NBEA: variants seen among roughly 807,000 people sequenced by gnomAD.
NBEA encodes the protein neurobeachin, also known as lysosomal-trafficking regulator 2.
A neutral mutation model predicts 343.4 loss-of-function variants in NBEA; 44 were observed. The ratio of observed to expected loss-of-function variants is 0.13; its 90% CI spans 0.10 to 0.16. The LOEUF (loss-of-function observed/expected upper bound fraction) is 0.16. NBEA is among the 10% of genes least tolerant of loss of function. NBEA has a pLI of 1.00. For synonymous variants in NBEA, 1,175 were observed against 1,238.7 expected, an observed-to-expected ratio of 0.95 and a Z score of 1.08; for missense variants, 2,555 against 3,631.3, an observed-to-expected ratio of 0.70 and a Z score of 7.62.
chr13:35,004,877 T>G (rs908403053), intron 1 of NBEA, among the ~76,000 whole-genome samples: 15 of 152,346 alleles, frequency 9.8e-5, no homozygotes, highest in Middle Eastern at 3.4e-3. Flanking sequence ...GTAGACATAA[T>G]GCAGCTATGC....
intron 34 of NBEA, among the ~76,000 whole-genome samples, chr13:35,255,841 C>T (rs771514405): frequency 6.6e-6 from 1 of 152,204 alleles, no homozygotes; most frequent in African/African-American, 2.4e-5. Flanking sequence ...TTGGTGAGTC[C>T]CAAGTTCTTG....
chr13:35,482,551 T>C (rs1471375467), intron 41 of NBEA, among the ~76,000 whole-genome samples: 2 of 151,702 alleles, frequency 1.3e-5, no homozygotes, highest in African/African-American at 4.8e-5. Context: ...CCTTATCCAT[T>C]TTATTATCTA....
intron 39 of NBEA, among the ~76,000 whole-genome samples, chr13:35,445,892 G>A (rs12856608): frequency 0.16 from 23,539 of 148,770 alleles, 2,068 homozygotes; most frequent in East Asian, 0.32. Context: ...ATGTATACAT[G>A]TGCCATGTTG....
At chr13:35,182,606 C>G in intron 29 of NBEA, 78 bp downstream of exon 29, 1 of 1,308,634 alleles carries the variant, frequency 7.6e-7, no homozygotes, top group Non-Finnish European at 1.1e-6. Flanking sequence ...TAGATTTAAA[C>G]TGGACCTCTT....
At chr13:35,024,510 GA>G (rs200610577) in intron 1 of NBEA, among the ~76,000 whole-genome samples, 4 of 147,336 alleles carry the variant, frequency 2.7e-5, no homozygotes, top group Admixed American at 6.8e-5. Flanking sequence ...TGTCTCCACT[GA>G]AAAAAAAACA....
chr13:35,249,617 TC>T (rs1437014208), intron 34 of NBEA, among the ~76,000 whole-genome samples: 1 of 152,190 alleles, frequency 6.6e-6, no homozygotes, highest in African/African-American at 2.4e-5. Flanking sequence ...AACTGTGTAC[TC>T]TTTGTGGGAA....
chr13:35,622,768 A>AT (rs2083051358), intron 48 of NBEA, among the ~76,000 whole-genome samples: 1 of 152,162 alleles, frequency 6.6e-6, no homozygotes, highest in Non-Finnish European at 1.5e-5. Context: ...GATGGGAAAT[A>AT]TTTTTGCTCT....
chr13:35,062,123 A>G (rs187190398), intron 8 of NBEA, among the ~76,000 whole-genome samples: 30 of 151,874 alleles, frequency 2.0e-4, no homozygotes, highest in Admixed American at 1.7e-3. Context: ...GTCTATTATA[A>G]CTAGTGAGGT....
chr13:35,605,262 C>G (rs909533391), intron 47 of NBEA, among the ~76,000 whole-genome samples: 1 of 152,092 alleles, frequency 6.6e-6, no homozygotes, highest in Admixed American at 6.6e-5. Context: ...TCACAGTGAT[C>G]ATCATAAGAG....
At chr13:35,573,830 C>T (rs1428356173) in intron 45 of NBEA, among the ~76,000 whole-genome samples, 3 of 152,166 alleles carry the variant, frequency 2.0e-5, no homozygotes, top group Non-Finnish European at 2.9e-5. Context: ...TTTCACCAGC[C>T]ACATGTCACC....
chr13:35,585,414 A>ATCT (rs34586416), intron 46 of NBEA, among the ~76,000 whole-genome samples: 69,779 of 151,480 alleles, frequency 0.46, 16,575 homozygotes, highest in African/African-American at 0.57. Context: ...GCTATTGCTA[A>ATCT]TCTCTCCTTG....
intron 24 of NBEA, chr13:35,165,013 T>C (rs182465237): frequency 2.8e-5 from 14 of 497,446 alleles, no homozygotes; most frequent in Non-Finnish European, 5.7e-5. Context: ...AAACAAATTC[T>C]TTGATTCAGA....
At chr13:35,469,099 C>CAAAAAAAAA in intron 40 of NBEA, among the ~76,000 whole-genome samples, 1 of 85,026 alleles carries the variant, frequency 1.2e-5, no homozygotes, top group Non-Finnish European at 2.1e-5. Flanking sequence ...GACTCTATCT[C>CAAAAAAAAA]AAAAAAAAAA....
chr13:35,423,465 T>A (rs2044432017), intron 38 of NBEA, among the ~76,000 whole-genome samples: 1 of 152,216 alleles, frequency 6.6e-6, no homozygotes, highest in Non-Finnish European at 1.5e-5. Context: ...GTTGTAGATA[T>A]GCGTCATTAT....
At chr13:34,994,198 CAAAAAAAAAAA>C (rs57966701) in intron 1 of NBEA, among the ~76,000 whole-genome samples, 3 of 29,922 alleles carry the variant, frequency 1.0e-4, no homozygotes, top group Middle Eastern at 0.029. Flanking sequence ...GCTCTGTCTC[CAAAAAAAAAAA>C]AAAAAAAAAA....
chr13:35,043,134 A>G (rs1468599116), intron 2 of NBEA, among the ~76,000 whole-genome samples: 5 of 151,534 alleles, frequency 3.3e-5, no homozygotes, highest in African/African-American at 1.2e-4. Context: ...AGTAATTCGT[A>G]TTTTTTCTCT....
At chr13:35,422,654 GTATATAC>G (rs1302574444) in intron 38 of NBEA, among the ~76,000 whole-genome samples, 1 of 152,102 alleles carries the variant, frequency 6.6e-6, no homozygotes, top group East Asian at 1.9e-4. Flanking sequence ...AGTCCTTTGG[GTATATAC>G]CCAGTAATGG....
At chr13:35,549,682 G>C (rs1474382359) in intron 41 of NBEA, among the ~76,000 whole-genome samples, 1 of 152,166 alleles carries the variant, frequency 6.6e-6, no homozygotes, top group Non-Finnish European at 1.5e-5. Context: ...TGGTATGCCA[G>C]CTATATATGA....
rs1392646427 is a variant in NBEA, at chr13:35,142,408, T to C, written c.2445+31T>C. On this transcript the variant is annotated intron_variant, in intron 18 of 58. Coordinates refer to ENST00000379939, the MANE Select transcript of NBEA (RefSeq NM_001385012.1). ...AATAAAAAATGTGTGATGAAAGTTT[T>C]AAGTGTATACAGTGGAAACCCTCTT... is the stretch of plus-strand genomic sequence containing the variant. 3 of 1,529,052 alleles carry C rather than the reference T, an allele frequency of 2.0e-6. No homozygotes were observed. The African/African-American group carries it at 4.1e-5, about 21-fold the overall frequency. The allele number at this position is 1,529,052 out of a possible 1,614,324, so 94.7% of individuals were successfully genotyped here.
Sources: allele counts gnomAD v4.1 joint callset (sites outside exome capture counted in the v4.1 genomes callset), GRCh38; gene constraint gnomAD v4.1.1; transcripts MANE v1.5; gene names NCBI Gene and HGNC (gene_info 2026-07-23, HGNC 2026-07-21).